Variants in CAPN8 observed in about 807,000 individuals in gnomAD.
CAPN8 encodes the protein calpain 8.
Under a neutral mutation model 80.9 loss-of-function variants are expected in CAPN8, and 87 were observed. The observed-to-expected ratio is 1.07, with a 90% confidence interval of 0.90 to 1.28. The LOEUF is 1.28. Among genes scored for constraint, CAPN8 ranks in the 50% most tolerant of loss-of-function variants. The pLI is 0.00. For synonymous variants in CAPN8, 299 were observed against 273.8 expected (o/e 1.09, Z -0.91); for missense variants, 757 against 702.0 (o/e 1.08, Z -0.89).
Position 223,632,528 on chromosome 1 carries a change from A to G in CAPN8, c.308-3748T>C, listed in dbSNP as rs113532471. Among the ~76,000 whole-genome samples, 368 of 152,154 alleles carry G rather than the reference A, an allele frequency of 2.4e-3. 4 individuals are homozygous for G. The highest frequency in any genetic ancestry group is 8.5e-3 in the African/African-American group (353 of 41,518). ...GCTGGGACTACAGTCATGTGCCACC[A>G]TGCCGAGCTATTTTTTTTAAATACA... On this transcript the variant is annotated intron_variant, in intron 2 of 20. Coordinates refer to ENST00000366872, the MANE Select transcript of CAPN8 (RefSeq NM_001143962.2).
chr1:223,665,593 A>G lies in CAPN8; in HGVS notation c.54T>C (p.Leu18=). The change falls in exon 1 of 21, where the codon CTT becomes CTC. Residue 18 remains leucine (L), a synonymous_variant. Transcript: ENST00000366872. ...VSRQRAATQG[L]GSNQNALKYL... is the part of the protein sequence containing the mutation. ...ACTTCAAAGCGTTTTGGTTGGAGCC[A>G]AGACCTTGAGTGGCTGCCCGCTGCC... 1 of 1,551,700 alleles carries G rather than the reference A, an allele frequency of 6.4e-7. No homozygotes were observed. The highest frequency in any genetic ancestry group is 8.7e-7 in the Non-Finnish European group (1 of 1,146,992).
intron 2 of CAPN8, among the ~76,000 whole-genome samples, chr1:223,643,472 G>A (rs924658716): frequency 5.3e-5 from 8 of 152,248 alleles, no homozygotes; most frequent in South Asian, 2.1e-4. Flanking sequence ...AAGGAACCCA[G>A]TGGGGTGTTG....
chr1:223,622,383 C>A (rs949730870), intron 7 of CAPN8, among the ~76,000 whole-genome samples: 2 of 152,158 alleles, frequency 1.3e-5, no homozygotes, highest in African/African-American at 4.8e-5. Flanking sequence ...GGGCCCGGGG[C>A]TCCTAGGGTC....
chr1:223,549,866 T>C (rs937786834), intron 15 of CAPN8, among the ~76,000 whole-genome samples: 12 of 152,230 alleles, frequency 7.9e-5, no homozygotes, highest in African/African-American at 2.7e-4. Context: ...CTCTTCAAAA[T>C]CACTCCGTGT....
intron 2 of CAPN8, among the ~76,000 whole-genome samples, chr1:223,632,414 G>A (rs2102718374): frequency 6.6e-6 from 1 of 151,152 alleles, no homozygotes; most frequent in East Asian, 1.9e-4. Flanking sequence ...TCGCTCTGTT[G>A]CCCAGATGAG....
At chr1:223,545,163 G>A (rs888763153) in intron 17 of CAPN8, 68 bp downstream of exon 17, 8 of 1,550,252 alleles carry the variant, frequency 5.2e-6, no homozygotes, top group South Asian at 2.4e-5. Flanking sequence ...AGAATACAAT[G>A]GACCAGGAAT....
intron 5 of CAPN8, among the ~76,000 whole-genome samples, chr1:223,626,477 G>A (rs1449479664): frequency 2.0e-5 from 3 of 152,180 alleles, no homozygotes; most frequent in African/African-American, 7.2e-5. Flanking sequence ...GGTGGTGACA[G>A]GACCTCAGGG....
intron 2 of CAPN8, chr1:223,642,791 T>C (rs1159260619): frequency 4.4e-6 from 2 of 456,256 alleles, no homozygotes; most frequent in African/African-American, 2.0e-5. Context: ...TTCCTCCTAG[T>C]TGCTTCTGAA....
In CAPN8 at chr1:223,619,275, G is replaced by T. The variant is rs980292281; in HGVS notation, c.1135+18C>A. 1.3e-6 allele frequency: 2 copies of T among 1,551,226 alleles called. No homozygotes were observed. The highest frequency in any genetic ancestry group is 1.7e-6 in the Non-Finnish European group (2 of 1,146,916). On this transcript the variant is annotated intron_variant, in intron 9 of 20. Coordinates refer to ENST00000366872, the MANE Select transcript of CAPN8 (RefSeq NM_001143962.2). ...GATAAGCTGGAGGAGGTTGGGCCAA[G>T]GCAGCCCTTCACCTTACCTGGGTAG...
chr1:223,548,312 G>T (rs559575994), intron 16 of CAPN8, among the ~76,000 whole-genome samples: 16 of 152,304 alleles, frequency 1.1e-4, no homozygotes, highest in South Asian at 2.1e-4. Flanking sequence ...AGGAAGTGAT[G>T]TTACACCACT....
intron 2 of CAPN8, among the ~76,000 whole-genome samples, chr1:223,634,485 G>C (rs762890075): frequency 1.3e-5 from 2 of 152,264 alleles, no homozygotes; most frequent in Middle Eastern, 3.4e-3. Context: ...CTAGGATGGT[G>C]GGGGAGGAAC....
At chr1:223,629,429 A>G (rs1275541159) in intron 2 of CAPN8, among the ~76,000 whole-genome samples, 2 of 152,190 alleles carry the variant, frequency 1.3e-5, no homozygotes, top group African/African-American at 4.8e-5. Flanking sequence ...AGAGGTTACA[A>G]ATCCTGGGTT....
chr1:223,618,654 G>T (rs1296332015), intron 9 of CAPN8, among the ~76,000 whole-genome samples: 1 of 152,230 alleles, frequency 6.6e-6, no homozygotes, highest in Admixed American at 6.5e-5. Flanking sequence ...AAAGCCCAAG[G>T]GAAGAACAGG....
chr1:223,544,291 C>G lies in CAPN8; in HGVS notation c.1913-108G>C, dbSNP rs1656557111. On this transcript the variant is annotated intron_variant, in intron 18 of 20. Transcript: ENST00000366872. ...CAGGGGCCCCTCTGTGGTTCTGTAT[C>G]AATCTGCAAACCAGGCCTGACTCTG... 2.0e-5 allele frequency: 13 copies of G among 650,974 alleles called. No individual in the cohort carries two copies. In the South Asian group the frequency reaches 2.2e-4, roughly 11 times the overall value. 40.3% of individuals were successfully genotyped at this position (650,974 alleles called of 1,614,324 possible). A position where few individuals can be genotyped will look rare whatever the true frequency, so the allele number is the denominator to read the frequency against.
At chr1:223,651,541 AG>A (rs1658341474) in intron 2 of CAPN8, among the ~76,000 whole-genome samples, 2 of 152,246 alleles carry the variant, frequency 1.3e-5, no homozygotes, top group Admixed American at 6.5e-5. Flanking sequence ...TGGCTTAGCA[AG>A]GACAGTAGGG....
intron 2 of CAPN8, among the ~76,000 whole-genome samples, chr1:223,651,971 C>T (rs558991352): frequency 3.3e-5 from 5 of 152,312 alleles, no homozygotes; most frequent in African/African-American, 9.6e-5. Context: ...CAGTGAGCAA[C>T]GGAGTCAGTG....
At chr1:223,645,161 A>G (rs1363453512) in intron 2 of CAPN8, among the ~76,000 whole-genome samples, 1 of 152,138 alleles carries the variant, frequency 6.6e-6, no homozygotes, top group Non-Finnish European at 1.5e-5. Flanking sequence ...TTGGTGTCTG[A>G]TGTTCAAGGG....
intron 13 of CAPN8, among the ~76,000 whole-genome samples, chr1:223,556,436 G>A (rs1253220825): frequency 2.0e-5 from 3 of 152,186 alleles, no homozygotes; most frequent in Non-Finnish European, 4.4e-5. Flanking sequence ...TGGCTCCATA[G>A]CCATGTCCTA....
intron 1 of CAPN8, among the ~76,000 whole-genome samples, chr1:223,660,884 G>A (rs557447384): frequency 6.6e-6 from 1 of 152,162 alleles, no homozygotes; most frequent in African/African-American, 2.4e-5. Flanking sequence ...ATGGGCAAAG[G>A]GGCTGGGCAC....
Sources: gnomAD v4.1 joint callset for allele counts (sites outside exome capture counted in the v4.1 genomes callset) on GRCh38, gnomAD v4.1.1 for gene constraint, MANE v1.5 for transcripts, NCBI Gene and HGNC (gene_info 2026-07-23, HGNC 2026-07-21) for gene names.